The following NEK5 variants were observed in gnomAD, a reference collection of about 807,000 sequenced individuals.
NEK5 encodes the protein serine/threonine-protein kinase Nek5.
A neutral mutation model predicts 109.2 loss-of-function variants in NEK5; 88 were observed. The ratio of observed to expected loss-of-function variants is 0.81; its 90% confidence interval spans 0.68 to 0.96. NEK5 has a LOEUF of 0.96. NEK5 is among the 40% of genes least tolerant of loss of function. The probability of loss-of-function intolerance (pLI) is 0.00; values close to 1 mark genes in which losing one functional copy is unlikely to be tolerated. For synonymous variants in NEK5, 283 were observed against 299.9 expected (o/e 0.94, Z 0.58); for missense variants, 834 against 920.7 (o/e 0.91, Z 1.22).
chr13:52,110,498 G>A lies in NEK5; in HGVS notation c.392C>T (p.Ala131Val), dbSNP rs772374737. Residue 131 changes from alanine (A) to valine (V), a missense_variant, in exon 6 of 24, where the codon GCT (alanine) becomes GTT (valine). Physicochemically the swap from Ala to Val is moderately conservative, Grantham distance 64. Transcript: ENST00000684899. ...DRKILHRDIK[A>V]QNIFLSKNGM... ...GTCTTCTCTCTGAGCTGTTACCTGAGCTTTTATGTCCCTGTGTAATATCTT... is the reference window on the plus strand; with the variant it reads ...GTCTTCTCTCTGAGCTGTTACCTGAACTTTTATGTCCCTGTGTAATATCTT... The A allele has an allele frequency of 7.5e-6, 12 of 1,610,298 alleles. No individual in the cohort carries two copies. The highest frequency in any genetic ancestry group is 6.7e-5 in the African/African-American group (5 of 74,772).
chr13:52,087,548 A>T (rs1476549159), intron 14 of NEK5, 94 bp from the exon 15 acceptor site: 3 of 646,406 alleles, frequency 4.6e-6, no homozygotes, highest in Non-Finnish European at 5.4e-6. Context: ...TAAGAATTAT[A>T]TCACTAAGCA....
chr13:52,093,650 G>C (rs1187816473), intron 12 of NEK5, among the ~76,000 whole-genome samples: 5 of 151,996 alleles, frequency 3.3e-5, no homozygotes, highest in Admixed American at 2.6e-4. Flanking sequence ...TATTTTTGCT[G>C]TTTTTCTTCT....
intron 7 of NEK5, among the ~76,000 whole-genome samples, chr13:52,109,559 T>C (rs1955718308): frequency 6.6e-6 from 1 of 152,184 alleles, no homozygotes; most frequent in East Asian, 1.9e-4. Flanking sequence ...CAAGGCTTTT[T>C]CCTGATCCAG....
intron 23 of NEK5, among the ~76,000 whole-genome samples, chr13:52,038,336 CA>C (rs1566721863): frequency 6.6e-6 from 1 of 151,602 alleles, no homozygotes; most frequent in East Asian, 2.0e-4. Context: ...CAAAACGGAA[CA>C]AAAAAAGTGG....
At chr13:52,060,569 C>T (rs1954604857) in intron 22 of NEK5, among the ~76,000 whole-genome samples, 1 of 152,174 alleles carries the variant, frequency 6.6e-6, no homozygotes, top group African/African-American at 2.4e-5. Context: ...TGGTCTCGAA[C>T]TCCTGACCTC....
chr13:52,039,035 G>A (rs1436670796), intron 23 of NEK5, among the ~76,000 whole-genome samples: 1 of 152,110 alleles, frequency 6.6e-6, no homozygotes, highest in Non-Finnish European at 1.5e-5. Flanking sequence ...ACCAATAGGA[G>A]CCAGGTCACT....
intron 4 of NEK5, among the ~76,000 whole-genome samples, chr13:52,112,672 A>T (rs763730596): frequency 6.6e-6 from 1 of 152,302 alleles, no homozygotes; most frequent in Non-Finnish European, 1.5e-5. Context: ...TTATTAATAC[A>T]TTCCTTTGAG....
intron 19 of NEK5, among the ~76,000 whole-genome samples, chr13:52,075,365 G>T (rs1954848869): frequency 6.6e-6 from 1 of 152,102 alleles, no homozygotes; most frequent in African/African-American, 2.4e-5. Context: ...ATTACATAGG[G>T]ATAGAAAACC....
intron 23 of NEK5, among the ~76,000 whole-genome samples, chr13:52,044,730 G>A (rs375842275): frequency 1.3e-5 from 2 of 152,158 alleles, no homozygotes; most frequent in African/African-American, 2.4e-5. Flanking sequence ...GTTATCTAAC[G>A]AAGTGCCTCC....
intron 5 of NEK5, 43 bp downstream of exon 5, chr13:52,112,225 A>C (rs1381159275): frequency 9.7e-7 from 1 of 1,026,086 alleles, no homozygotes; most frequent in Admixed American, 1.8e-5. Flanking sequence ...TTCTCCCCCC[A>C]CCACACATAC....
chr13:52,079,993 C>T (rs1490879468), intron 17 of NEK5, among the ~76,000 whole-genome samples: 21 of 151,956 alleles, frequency 1.4e-4, no homozygotes, highest in African/African-American at 5.1e-4. Context: ...CCGGCCGCCC[C>T]ATCTGAGAAG....
At chr13:52,104,079 C>A (rs1955599119) in intron 9 of NEK5, among the ~76,000 whole-genome samples, 1 of 152,152 alleles carries the variant, frequency 6.6e-6, no homozygotes, top group Non-Finnish European at 1.5e-5. Context: ...CGTGCCTCAG[C>A]CTCCCAACTA....
At chr13:52,050,720 CTTTTTTTTTT>C (rs772811272) in intron 22 of NEK5, among the ~76,000 whole-genome samples, 48 of 99,950 alleles carry the variant, frequency 4.8e-4, no homozygotes, top group Admixed American at 8.7e-4. Context: ...TTGTTTTTTT[CTTTTTTTTTT>C]TTTTTTTGAG....
intron 22 of NEK5, among the ~76,000 whole-genome samples, chr13:52,050,777 T>C (rs2078177994): frequency 6.7e-6 from 1 of 149,182 alleles, no homozygotes; most frequent in Non-Finnish European, 1.5e-5. Context: ...TGGAGTGCAA[T>C]AGTGCAATCT....
intron 8 of NEK5, among the ~76,000 whole-genome samples, chr13:52,107,264 T>TACTA (rs10666945): frequency 0.6 from 90,832 of 151,470 alleles, 29,213 homozygotes; most frequent in Non-Finnish European, 0.72. Flanking sequence ...ACTGTTTCTA[T>TACTA]ACTGAGTGGT....
At chr13:52,071,613 G>C (rs970080936) in intron 20 of NEK5, among the ~76,000 whole-genome samples, 5 of 152,166 alleles carry the variant, frequency 3.3e-5, no homozygotes, top group Admixed American at 3.3e-4. Flanking sequence ...AGAAGAGCTT[G>C]ACTTTACACA....
chr13:52,095,501 T>C (rs1364196637), intron 12 of NEK5, among the ~76,000 whole-genome samples: 1 of 152,238 alleles, frequency 6.6e-6, no homozygotes, highest in African/African-American at 2.4e-5. Context: ...GTAATTTAAT[T>C]CATCCTCAAA....
At chr13:52,099,398 G>T (rs1177170605) in intron 12 of NEK5, among the ~76,000 whole-genome samples, 2 of 152,180 alleles carry the variant, frequency 1.3e-5, no homozygotes, top group Middle Eastern at 3.4e-3. Flanking sequence ...GGGGCCGGGC[G>T]CCATGGCTCA....
intron 23 of NEK5, among the ~76,000 whole-genome samples, chr13:52,037,877 C>A (rs1274799901): frequency 1.3e-5 from 2 of 151,418 alleles, no homozygotes; most frequent in Admixed American, 6.6e-5. Flanking sequence ...GAGCCGAGAT[C>A]GCGCCACTGC....
Sources: allele counts gnomAD v4.1 joint callset (sites outside exome capture counted in the v4.1 genomes callset), GRCh38; gene constraint gnomAD v4.1.1; transcripts MANE v1.5; gene names NCBI Gene and HGNC (gene_info 2026-07-23, HGNC 2026-07-21).